Variants in PXDNL observed in about 807,000 individuals in gnomAD.
PXDNL encodes the protein probable oxidoreductase PXDNL.
PXDNL carries 145 observed loss-of-function variants against 150.8 expected under a neutral mutation model. That is an observed-to-expected ratio of 0.96 (90% CI 0.84 to 1.10). The LOEUF (loss-of-function observed/expected upper bound fraction) is 1.10. Among genes scored for constraint, PXDNL ranks in the 50% least tolerant of loss-of-function variants. PXDNL has a pLI of 0.00. For synonymous variants in PXDNL, 757 were observed against 725.7 expected (o/e 1.04, Z -0.69); for missense variants, 2,087 against 1,873.9 (o/e 1.11, Z -2.10).
chr8:51,570,336 C>T (rs1327606292), intron 3 of PXDNL, among the ~76,000 whole-genome samples: 3 of 151,800 alleles, frequency 2.0e-5, no homozygotes, highest in Non-Finnish European at 4.4e-5. Flanking sequence ...GAACTAGGCT[C>T]TTGGCGAAAT....
At chr8:51,323,536 G>C (rs947855128) in intron 21 of PXDNL, among the ~76,000 whole-genome samples, 1 of 152,160 alleles carries the variant, frequency 6.6e-6, no homozygotes, top group Non-Finnish European at 1.5e-5. Flanking sequence ...CAATCACTCT[G>C]TCTTGGCTTC....
intron 5 of PXDNL, among the ~76,000 whole-genome samples, chr8:51,495,478 C>T (rs1243278411): frequency 1.3e-5 from 2 of 152,006 alleles, no homozygotes; most frequent in East Asian, 1.9e-4. Context: ...TTCAAAAAAT[C>T]AATGAATCCA....
At chr8:51,500,345 C>G (rs1027236832) in intron 4 of PXDNL, among the ~76,000 whole-genome samples, 1 of 152,196 alleles carries the variant, frequency 6.6e-6, no homozygotes. Context: ...TTGGTATCCC[C>G]TCTGTGCAAC....
intron 2 of PXDNL, among the ~76,000 whole-genome samples, chr8:51,614,446 C>G (rs903312397): frequency 6.6e-6 from 1 of 152,222 alleles, no homozygotes; most frequent in Non-Finnish European, 1.5e-5. Flanking sequence ...GGCTGTTTCT[C>G]TACCTCACTT....
At chr8:51,641,376 C>T (rs932653321) in intron 2 of PXDNL, among the ~76,000 whole-genome samples, 5 of 149,626 alleles carry the variant, frequency 3.3e-5, no homozygotes, top group African/African-American at 1.3e-4. Context: ...AACTCAAGAG[C>T]TTCTGCACAG....
At chr8:51,585,268 A>G (rs568274381) in intron 3 of PXDNL, among the ~76,000 whole-genome samples, 2 of 152,324 alleles carry the variant, frequency 1.3e-5, no homozygotes, top group Admixed American at 1.3e-4. Flanking sequence ...GGATTGGGAA[A>G]CATAAAAGCA....
intron 17 of PXDNL, among the ~76,000 whole-genome samples, chr8:51,393,491 T>C (rs540742448): frequency 6.6e-6 from 1 of 152,360 alleles, no homozygotes; most frequent in South Asian, 2.1e-4. Flanking sequence ...GGTTATGCTG[T>C]TTCTCATAGT....
intron 19 of PXDNL, among the ~76,000 whole-genome samples, chr8:51,354,041 T>G (rs1305225941): frequency 1.3e-5 from 2 of 152,122 alleles, no homozygotes. Flanking sequence ...CAGGCACATT[T>G]GGGTCTTATG....
chr8:51,782,728 CCA>C (rs2037426580), intron 1 of PXDNL, among the ~76,000 whole-genome samples: 1 of 152,198 alleles, frequency 6.6e-6, no homozygotes. Flanking sequence ...TGGCTTCCAA[CCA>C]ACGTCTCCAA....
intron 1 of PXDNL, among the ~76,000 whole-genome samples, chr8:51,793,406 A>G (rs2037531613): frequency 6.6e-6 from 1 of 152,344 alleles, no homozygotes; most frequent in Admixed American, 6.5e-5. Context: ...AATGCTGGTA[A>G]TTCAAAAAGA....
At chr8:51,799,667 A>G (rs1482790219) in intron 1 of PXDNL, among the ~76,000 whole-genome samples, 1 of 152,210 alleles carries the variant, frequency 6.6e-6, no homozygotes, top group Non-Finnish European at 1.5e-5. Flanking sequence ...GTTGGCCAAA[A>G]TATAGACCAT....
At chr8:51,572,369 G>A (rs1297579898) in intron 3 of PXDNL, among the ~76,000 whole-genome samples, 2 of 151,452 alleles carry the variant, frequency 1.3e-5, no homozygotes, top group East Asian at 4.0e-4. Context: ...CTGTACAAAG[G>A]AATATTATTT....
chr8:51,450,596 G>A (rs984740863), intron 10 of PXDNL, among the ~76,000 whole-genome samples: 1 of 152,202 alleles, frequency 6.6e-6, no homozygotes, highest in Non-Finnish European at 1.5e-5. Flanking sequence ...TTCATACTGT[G>A]TGCAAGTACT....
chr8:51,668,999 G>A (rs1815444242), intron 1 of PXDNL, among the ~76,000 whole-genome samples: 1 of 152,100 alleles, frequency 6.6e-6, no homozygotes, highest in South Asian at 2.1e-4. Flanking sequence ...ATTAAAATAA[G>A]TATCATTAAA....
At chr8:51,582,053 T>C (rs1222353400) in intron 3 of PXDNL, among the ~76,000 whole-genome samples, 2 of 152,160 alleles carry the variant, frequency 1.3e-5, no homozygotes, top group African/African-American at 2.4e-5. Flanking sequence ...ATAAGAAGTA[T>C]ACTTTTAAGT....
chr8:51,336,271 A>G (rs753306119), intron 21 of PXDNL, among the ~76,000 whole-genome samples: 4 of 152,192 alleles, frequency 2.6e-5, no homozygotes, highest in Non-Finnish European at 5.9e-5. Context: ...CTGATTTTTC[A>G]CAAAACAAAG....
intron 19 of PXDNL, among the ~76,000 whole-genome samples, chr8:51,355,364 A>G (rs1258301457): frequency 6.6e-6 from 1 of 152,232 alleles, no homozygotes; most frequent in Admixed American, 6.5e-5. Flanking sequence ...TGTATTTACA[A>G]TTACTTGATG....
intron 1 of PXDNL, among the ~76,000 whole-genome samples, chr8:51,772,771 A>T (rs2037312358): frequency 6.6e-6 from 1 of 152,224 alleles, no homozygotes; most frequent in African/African-American, 2.4e-5. Context: ...TCAGGGGCAG[A>T]GTTAATGAAG....
At chr8:51,805,658 A>G (rs2037668228) in intron 1 of PXDNL, among the ~76,000 whole-genome samples, 1 of 152,108 alleles carries the variant, frequency 6.6e-6, no homozygotes, top group South Asian at 2.1e-4. Context: ...CACATAAAGA[A>G]AATGTCTTTA....
Sources: allele counts gnomAD v4.1 joint callset (sites outside exome capture counted in the v4.1 genomes callset), GRCh38; gene constraint gnomAD v4.1.1; transcripts MANE v1.5; gene names NCBI Gene and HGNC (gene_info 2026-07-23, HGNC 2026-07-21).